The following GARNL3 variants were observed in gnomAD, a reference collection of about 807,000 sequenced individuals.
The protein encoded by GARNL3 is GTPase-activating Rap/Ran-GAP domain-like protein 3.
In GARNL3, 63 loss-of-function variants were observed where a neutral mutation model predicts 125.0. That is an observed-to-expected ratio of 0.50 (90% CI 0.41 to 0.62). The LOEUF (loss-of-function observed/expected upper bound fraction) is 0.62, where lower values mean the gene tolerates loss of function less well. GARNL3 is among the 20% of genes least tolerant of loss of function. GARNL3 has a pLI of 0.00. For synonymous variants in GARNL3, 439 were observed against 457.5 expected (o/e 0.96, Z 0.52); for missense variants, 994 against 1,244.0 (o/e 0.80, Z 3.02).
In GARNL3 at chr9:127,308,124, T is replaced by C. The variant is rs542905969; in HGVS notation, c.220-3512T>C. 1.2e-4 allele frequency among the ~76,000 whole-genome samples: 19 copies of C among 152,344 alleles called. No homozygotes were observed. The South Asian group carries it at 3.9e-3, about 32-fold the overall frequency. On this transcript the variant is annotated intron_variant, in intron 2 of 27. Coordinates refer to ENST00000373387, the MANE Select transcript of GARNL3 (RefSeq NM_032293.5). ...CTACAAGGAACAAAATCCAATGATA[T>C]GCTTTCACCAAAAGGTAAAAACTAA...
intron 1 of GARNL3, among the ~76,000 whole-genome samples, chr9:127,286,736 T>C (rs2064259849): frequency 6.6e-6 from 1 of 152,262 alleles, no homozygotes. Flanking sequence ...CTTGGACTTT[T>C]TGTAGTAAAT....
chr9:127,270,295 T>G (rs1480827146), intron 1 of GARNL3, among the ~76,000 whole-genome samples: 2 of 152,160 alleles, frequency 1.3e-5, no homozygotes, highest in African/African-American at 4.8e-5. Flanking sequence ...TCTGTCCTTA[T>G]GACAGAATGA....
intron 1 of GARNL3, among the ~76,000 whole-genome samples, chr9:127,272,391 A>C (rs533641253): frequency 6.7e-6 from 1 of 150,080 alleles, no homozygotes; most frequent in Non-Finnish European, 1.5e-5. Context: ...ACATCAAAAC[A>C]TCAAGACTTC....
At chr9:127,313,363 A>C in intron 3 of GARNL3, 78 bp from the exon 4 acceptor site, 1 of 985,298 alleles carries the variant, frequency 1.0e-6, no homozygotes, top group Non-Finnish European at 1.6e-6. Flanking sequence ...AGGGCTGGAC[A>C]CCACCTGCAG....
intron 7 of GARNL3, among the ~76,000 whole-genome samples, chr9:127,328,454 G>A (rs1829020330): frequency 6.6e-6 from 1 of 152,132 alleles, no homozygotes; most frequent in African/African-American, 2.4e-5. Context: ...GAATACTAGT[G>A]AGGCTCCCGA....
intron 22 of GARNL3, among the ~76,000 whole-genome samples, chr9:127,375,256 AGT>A: frequency 6.6e-6 from 1 of 152,136 alleles, no homozygotes; most frequent in Non-Finnish European, 1.5e-5. Context: ...TAAGGTTAGG[AGT>A]TCAAGACCAG....
chr9:127,237,690 C>T (rs1253061721), intron 1 of GARNL3, among the ~76,000 whole-genome samples: 1 of 152,208 alleles, frequency 6.6e-6, no homozygotes, highest in East Asian at 1.9e-4. Flanking sequence ...TGGGAACCAC[C>T]TTATTGGGTG....
At chr9:127,382,279 A>C (rs1832304855) in intron 22 of GARNL3, among the ~76,000 whole-genome samples, 1 of 152,070 alleles carries the variant, frequency 6.6e-6, no homozygotes, top group South Asian at 2.1e-4. Context: ...CAGTCCAGGC[A>C]ACAGAGCAAG....
At chr9:127,300,376 G>T in intron 2 of GARNL3, 2 of 306,810 alleles carry the variant, frequency 6.5e-6, no homozygotes, top group South Asian at 5.9e-5. Flanking sequence ...TGTTTTATTT[G>T]ACCCCTTTCA....
chr9:127,375,316 A>G (rs1831837809), intron 22 of GARNL3, among the ~76,000 whole-genome samples: 1 of 152,070 alleles, frequency 6.6e-6, no homozygotes, highest in African/African-American at 2.4e-5. Flanking sequence ...TACAAAAAAA[A>G]TTAGCCAGGC....
chr9:127,240,181 C>G (rs2063179312), intron 1 of GARNL3, among the ~76,000 whole-genome samples: 2 of 152,056 alleles, frequency 1.3e-5, no homozygotes, highest in Admixed American at 6.6e-5. Context: ...TGGTAGGAAG[C>G]CAAACTACTG....
At chr9:127,228,845 G>A (rs1401791103) in intron 1 of GARNL3, among the ~76,000 whole-genome samples, 1 of 151,746 alleles carries the variant, frequency 6.6e-6, no homozygotes, top group Non-Finnish European at 1.5e-5. Flanking sequence ...TGTTTTTGAG[G>A]CAGAGTCTTG....
At chr9:127,339,251 C>T (rs1314680672) in intron 12 of GARNL3, among the ~76,000 whole-genome samples, 4 of 150,720 alleles carry the variant, frequency 2.7e-5, no homozygotes, top group South Asian at 2.1e-4. Context: ...GAGCCCAGAT[C>T]GCACCACTGC....
chr9:127,354,206 G>A (rs1438934836), intron 18 of GARNL3, 88 bp from the exon 19 acceptor site: 19 of 967,124 alleles, frequency 2.0e-5, no homozygotes, highest in Non-Finnish European at 3.1e-5. Flanking sequence ...TCCAATCCTA[G>A]TTTTTCTACA....
intron 1 of GARNL3, among the ~76,000 whole-genome samples, chr9:127,229,102 G>T (rs1380684567): frequency 6.6e-6 from 1 of 152,218 alleles, no homozygotes; most frequent in Non-Finnish European, 1.5e-5. Flanking sequence ...GGGATTACAG[G>T]TGTGAGTAAC....
chr9:127,390,842 G>T, intron 27 of GARNL3, 75 bp downstream of exon 27: 8 of 1,470,010 alleles, frequency 5.4e-6, no homozygotes, highest in Non-Finnish European at 7.4e-6. Context: ...GCCCCTTCTG[G>T]GGATTGATAA....
At chr9:127,296,701 C>T (rs1421596892) in intron 2 of GARNL3, among the ~76,000 whole-genome samples, 1 of 151,896 alleles carries the variant, frequency 6.6e-6, no homozygotes, top group East Asian at 1.9e-4. Context: ...GAACTCCTGA[C>T]CTCAGGTGAT....
chr9:127,329,490 TTG>T (rs1212538948), intron 7 of GARNL3, among the ~76,000 whole-genome samples: 2 of 152,132 alleles, frequency 1.3e-5, no homozygotes, highest in African/African-American at 4.8e-5. Context: ...CCCTAATAAC[TTG>T]TGATGAAGAC....
rs77541107 is a variant in GARNL3, at chr9:127,242,403, T to C, written c.-28-676T>C. On this transcript the variant is annotated intron_variant, in intron 1 of 10. Transcript: ENST00000439286. The surrounding 1 kb of genome is among the most constrained non-coding windows in gnomAD (Gnocchi z 4.6). ...AGTCAGAAGGAGTGTGATGCCTGCA[T>C]TTCCTAACAAAGTAGACCCATCATC... is the stretch of plus-strand genomic sequence containing the variant. Among the ~76,000 whole-genome samples, 136 of 152,296 alleles carry C rather than the reference T, an allele frequency of 8.9e-4. No homozygotes were observed. The highest frequency in any genetic ancestry group is 1.6e-3 in the Non-Finnish European group (110 of 68,026).
Sources: gnomAD v4.1 joint callset for allele counts (sites outside exome capture counted in the v4.1 genomes callset) on GRCh38, gnomAD v4.1.1 for gene constraint, Gnocchi (gnomAD v3.1) non-coding constraint, MANE v1.5 for transcripts, NCBI Gene and HGNC (gene_info 2026-07-23, HGNC 2026-07-21) for gene names.